The following SNTG1 variants were observed in gnomAD, a reference collection of about 807,000 sequenced individuals.
SNTG1 encodes gamma-1-syntrophin.
SNTG1 carries 39 observed loss-of-function variants against 74.7 expected under a neutral mutation model. The ratio of observed to expected loss-of-function variants is 0.52; its 90% confidence interval spans 0.40 to 0.68. The LOEUF is 0.68. Among genes scored for constraint, SNTG1 ranks in the 30% least tolerant of loss-of-function variants. The pLI, the probability that SNTG1 is intolerant of heterozygous loss-of-function variation, is 0.00. For synonymous variants in SNTG1, 254 were observed against 217.1 expected, an observed-to-expected ratio of 1.17 and a Z score of -1.49; for missense variants, 685 against 609.5, an observed-to-expected ratio of 1.12 and a Z score of -1.30.
At chr8:50,211,056 T>C (rs2084499300) in intron 2 of SNTG1, among the ~76,000 whole-genome samples, 1 of 152,160 alleles carries the variant, frequency 6.6e-6, no homozygotes, top group Non-Finnish European at 1.5e-5. Context: ...TGTTAAACAA[T>C]ATTAAGTTGG....
chr8:50,245,863 T>C (rs1301256671), intron 2 of SNTG1, among the ~76,000 whole-genome samples: 5 of 152,104 alleles, frequency 3.3e-5, no homozygotes, highest in Admixed American at 2.0e-4. Context: ...TTATGCGTGA[T>C]AGAACGTGTA....
chr8:50,658,316 C>T (rs997359493), intron 14 of SNTG1, among the ~76,000 whole-genome samples: 6 of 151,536 alleles, frequency 4.0e-5, no homozygotes, highest in South Asian at 2.1e-4. Context: ...GTAGAGAATG[C>T]GTATATTATT....
chr8:50,191,305 G>C (rs1057271190), intron 2 of SNTG1, among the ~76,000 whole-genome samples: 5 of 151,726 alleles, frequency 3.3e-5, no homozygotes, highest in Non-Finnish European at 5.9e-5. Context: ...TCCTTTTTTT[G>C]GTTCATCAGA....
At chr8:50,319,290 G>A (rs1044179438) in intron 2 of SNTG1, among the ~76,000 whole-genome samples, 10 of 152,080 alleles carry the variant, frequency 6.6e-5, no homozygotes, top group Non-Finnish European at 1.0e-4. Context: ...CTTGAACCTG[G>A]GAGGTGGAGA....
chr8:49,949,117 G>C (rs181963042), intron 1 of SNTG1, among the ~76,000 whole-genome samples: 274 of 152,238 alleles, frequency 1.8e-3, no homozygotes, highest in Non-Finnish European at 3.3e-3. Flanking sequence ...TATTCGTTCT[G>C]TCCAGGCCTG....
intron 15 of SNTG1, among the ~76,000 whole-genome samples, chr8:50,671,805 C>T (rs906512960): frequency 1.3e-5 from 2 of 151,854 alleles, no homozygotes; most frequent in Admixed American, 6.6e-5. Flanking sequence ...AAATGTGCAA[C>T]AATCATAGAC....
intron 1 of SNTG1, among the ~76,000 whole-genome samples, chr8:50,003,020 C>T (rs186237654): frequency 2.5e-3 from 382 of 152,134 alleles, no homozygotes; most frequent in Non-Finnish European, 4.3e-3. Context: ...TTATATGATT[C>T]CACTTATATG....
At chr8:50,486,893 C>T (rs1028587632) in intron 8 of SNTG1, among the ~76,000 whole-genome samples, 1 of 152,172 alleles carries the variant, frequency 6.6e-6, no homozygotes, top group African/African-American at 2.4e-5. Flanking sequence ...GCCTTTTCTG[C>T]ATCTATTGAG....
intron 18 of SNTG1, among the ~76,000 whole-genome samples, chr8:50,754,265 AATTAT>A (rs1475950334): frequency 6.6e-6 from 1 of 152,110 alleles, no homozygotes; most frequent in East Asian, 1.9e-4. Flanking sequence ...TAAAATGCCA[AATTAT>A]ATTCTATAGT....
At chr8:50,286,396 T>G (rs1292779995) in intron 2 of SNTG1, 1 of 152,222 alleles carries the variant, frequency 6.6e-6, no homozygotes, top group Admixed American at 6.5e-5. Context: ...ATGCTACAAG[T>G]GTGCTCTAGT....
chr8:50,702,831 T>A (rs2095430760), intron 15 of SNTG1, among the ~76,000 whole-genome samples: 1 of 152,188 alleles, frequency 6.6e-6, no homozygotes, highest in African/African-American at 2.4e-5. Flanking sequence ...GTATAGCATA[T>A]GACTGTATTG....
At chr8:50,527,505 G>A (rs2094230861) in intron 9 of SNTG1, among the ~76,000 whole-genome samples, 1 of 151,986 alleles carries the variant, frequency 6.6e-6, no homozygotes, top group South Asian at 2.1e-4. Context: ...AATTATGTGT[G>A]TGTGTATTTG....
chr8:50,170,628 T>C (rs1477077985), intron 1 of SNTG1, among the ~76,000 whole-genome samples: 1 of 152,162 alleles, frequency 6.6e-6, no homozygotes, highest in Non-Finnish European at 1.5e-5. Context: ...TGTTTCCTCA[T>C]AGTTTCCATA....
chr8:50,207,281 T>A (rs2084291700), intron 2 of SNTG1, among the ~76,000 whole-genome samples: 1 of 152,226 alleles, frequency 6.6e-6, no homozygotes, highest in Non-Finnish European at 1.5e-5. Context: ...AACTTCTTCC[T>A]GGTTTAGTCT....
chr8:50,280,298 C>G (rs1013701792), intron 2 of SNTG1, among the ~76,000 whole-genome samples: 4 of 152,148 alleles, frequency 2.6e-5, no homozygotes, highest in African/African-American at 9.7e-5. Flanking sequence ...AAAGTAAAAA[C>G]CAATTTCTGC....
intron 1 of SNTG1, among the ~76,000 whole-genome samples, chr8:49,967,888 A>C (rs1811291764): frequency 6.6e-6 from 1 of 152,214 alleles, no homozygotes; most frequent in African/African-American, 2.4e-5. Context: ...TGATTATCAA[A>C]TTAATCTGGC....
At chr8:50,198,047 C>T (rs908108504) in intron 2 of SNTG1, among the ~76,000 whole-genome samples, 5 of 151,982 alleles carry the variant, frequency 3.3e-5, no homozygotes, top group Admixed American at 6.6e-5. Flanking sequence ...TATTTATTTC[C>T]GTACTTTGCA....
At chr8:50,464,222 C>G (rs2093590475) in intron 8 of SNTG1, among the ~76,000 whole-genome samples, 1 of 152,208 alleles carries the variant, frequency 6.6e-6, no homozygotes, top group South Asian at 2.1e-4. Flanking sequence ...CCATTTGCAT[C>G]TTCACTTGAG....
chr8:50,167,610 A>C (rs923520761), intron 1 of SNTG1, among the ~76,000 whole-genome samples: 10 of 151,240 alleles, frequency 6.6e-5, no homozygotes, highest in African/African-American at 9.7e-5. Flanking sequence ...CAGCCTGAGC[A>C]ACAGAACAAA....
Sources: allele counts gnomAD v4.1 joint callset (sites outside exome capture counted in the v4.1 genomes callset), GRCh38; gene constraint gnomAD v4.1.1; transcripts MANE v1.5; gene names NCBI Gene and HGNC (gene_info 2026-07-23, HGNC 2026-07-21).